The following ZFYVE26 variants were observed in gnomAD, a reference collection of about 807,000 sequenced individuals.
ZFYVE26 encodes the protein zinc finger FYVE domain-containing protein 26.
Under a neutral mutation model 276.5 loss-of-function variants are expected in ZFYVE26, and 181 were observed. That is an observed-to-expected ratio of 0.65 (90% CI 0.58 to 0.74). ZFYVE26 has a LOEUF of 0.74. Ranked by LOEUF, ZFYVE26 falls within the 30% of genes least tolerant of loss-of-function variation. The probability of loss-of-function intolerance (pLI) is 0.00; values close to 1 mark genes in which losing one functional copy is unlikely to be tolerated. For missense variants in ZFYVE26, 2,821 were observed against 3,097.9 expected, an observed-to-expected ratio of 0.91 and a Z score of 2.12; for synonymous variants, 1,129 against 1,203.1, an observed-to-expected ratio of 0.94 and a Z score of 1.27.
Position 67,793,255 on chromosome 14 carries a change from T to TCAAACAAA in ZFYVE26, c.2553+345_2553+352dup, listed in dbSNP as rs112741778. ...CTGGGCAACAGAGCAAGACTCTGTC[T>TCAAACAAA]CAAACAAACAAACAAACAAACAAGC... On this transcript the variant is annotated intron_variant, in intron 14 of 41. Transcript: ENST00000347230. 2.4e-4 allele frequency among the ~76,000 whole-genome samples: 37 copies of TCAAACAAA among 151,278 alleles called. 1 individual carries two copies. Among genetic ancestry groups the TCAAACAAA allele is most frequent in the South Asian group, 1.0e-3 (5 of 4,804 alleles).
At chr14:67,768,589 G>A in intron 29 of ZFYVE26, 41 bp from the exon 30 acceptor site, 1 of 1,605,128 alleles carries the variant, frequency 6.2e-7, no homozygotes. Context: ...AAATGCCTGA[G>A]TCACTTCTTT....
chr14:67,764,131 C>G (rs1286889387), intron 32 of ZFYVE26, among the ~76,000 whole-genome samples: 4 of 152,094 alleles, frequency 2.6e-5, no homozygotes. Context: ...GATAGAAAGC[C>G]CAGAGGGCTG....
intron 3 of ZFYVE26, 119 bp from the exon 4 acceptor site, chr14:67,809,408 CTT>C (rs10580613): frequency 0.05 from 10,400 of 207,288 alleles, 35 homozygotes; most frequent in African/African-American, 0.066. Flanking sequence ...ATGAAGCACT[CTT>C]TTTTTTTTTT....
intron 14 of ZFYVE26, 109 bp from the exon 15 acceptor site, chr14:67,790,882 G>T: frequency 1.0e-6 from 1 of 1,002,594 alleles, no homozygotes; most frequent in Non-Finnish European, 1.6e-6. Context: ...AGATGTCTTT[G>T]TGCTTTGTAG....
At chr14:67,810,224 T>C (rs2040272250) in intron 3 of ZFYVE26, among the ~76,000 whole-genome samples, 2 of 152,232 alleles carry the variant, frequency 1.3e-5, no homozygotes, top group African/African-American at 4.8e-5. Context: ...CTTGAGGTCT[T>C]TCCCCAAGAA....
At position 67,751,367 on chromosome 14, in the gene ZFYVE26, G is replaced by A. The variant is rs530785104; in HGVS notation, c.7372-271C>T. On this transcript the variant is annotated intron_variant, in intron 40 of 41. Transcript: ENST00000347230. ...TTCACCCCTCCTTAGGCAACCTGGTGGTCCCCTGCTCCTGGGAGGTCACCA... is the reference window on the plus strand; with the variant it reads ...TTCACCCCTCCTTAGGCAACCTGGTAGTCCCCTGCTCCTGGGAGGTCACCA... 60 of 533,988 alleles carry A rather than the reference G, an allele frequency of 1.1e-4. 1 individual carries two copies. The highest frequency in any genetic ancestry group is 8.0e-4 in the South Asian group (40 of 50,028). The allele number at this position is 533,988 out of a possible 1,614,324, so 33.1% of individuals were successfully genotyped here. A position where few individuals can be genotyped will look rare whatever the true frequency, so the allele number is the denominator to read the frequency against.
chr14:67,729,312 G>A lies in ZFYVE26; in HGVS notation n.3187C>T, dbSNP rs140821098. The stretch of plus-strand genomic sequence containing the variant: ...CCCCCTTTGTCAAGACGGCACGGGA[G>A]GGGGCGCAGACCAGCCTGCACTGCG... On this transcript the variant is annotated non_coding_transcript_exon_variant, in exon 14 of 15. Transcript: ENST00000394455. The A allele has an allele frequency of 9.4e-6, 15 of 1,600,908 alleles. No homozygotes were observed. The highest frequency in any genetic ancestry group is 1.7e-5 in the Admixed American group (1 of 60,000).
chr14:67,775,524 C>T (rs2039319298), intron 26 of ZFYVE26, among the ~76,000 whole-genome samples: 1 of 152,114 alleles, frequency 6.6e-6, no homozygotes, highest in Admixed American at 6.6e-5. Context: ...CCGATGTGAT[C>T]CTGGGAATAA....
intron 7 of ZFYVE26, 25 bp downstream of exon 7, chr14:67,805,429 G>C (rs1199858238): frequency 6.2e-7 from 1 of 1,614,134 alleles, no homozygotes; most frequent in Non-Finnish European, 8.5e-7. Flanking sequence ...TTCCAGAGCA[G>C]CCTGGGATGC....
At position 67,789,364 on chromosome 14, in the gene ZFYVE26, C is replaced by T. The variant is rs144523611; in HGVS notation, c.2990G>A (p.Arg997Gln). Reference protein sequence around the residue: ...TCKQLLETAERRLNSSLERRG... With the variant: ...TCKQLLETAEQRLNSSLERRG... ...CCTTTCAAGGCTACTATTCAAACGC[C>T]GTTCGGCTGTCTCCAAAAGCTGCTT... The change falls in exon 16 of 42, where the codon CGG becomes CAG. Residue 997 changes from arginine (R) to glutamine (Q), a missense_variant. By Grantham distance (43) the Arg-to-Gln change is conservative. Transcript: ENST00000347230. The T allele has an allele frequency of 5.0e-5, 80 of 1,614,096 alleles. 1 individual carries two copies. The African/African-American group carries it at 5.9e-4, about 12-fold the overall frequency.
In ZFYVE26 at chr14:67,806,602, C is replaced by T. The variant is rs1177577061; in HGVS notation, c.960G>A (p.Trp320Ter). 6.2e-7 allele frequency: 1 copy of T among 1,614,210 alleles called. No homozygotes were observed. Among genetic ancestry groups the T allele is most frequent in the Non-Finnish European group, 8.5e-7 (1 of 1,180,030 alleles). The change falls in exon 6 of 42, where the codon TGG becomes TGA. Residue 320 changes from tryptophan (W) to a stop codon, truncating the protein, a stop_gained. Transcript: ENST00000347230. LOFTEE classifies it high-confidence loss of function. ...LFSNPNPAEA[W>*]KVAYFYCLSN... Reference sequence around the variant, plus strand: ...TCAGGCAGTAGAAATAGGCCACTTTCCAAGCCTCGGCTGGGTTGGGATTGG... The same window carrying T: ...TCAGGCAGTAGAAATAGGCCACTTTTCAAGCCTCGGCTGGGTTGGGATTGG...
downstream of ZFYVE26, among the ~76,000 whole-genome samples, chr14:67,744,985 C>T (rs1317985986): frequency 2.6e-5 from 4 of 152,170 alleles, no homozygotes; most frequent in Admixed American, 6.5e-5. Flanking sequence ...TAAGGAATCG[C>T]CACACTGTCT....
In ZFYVE26 at chr14:67,747,698, T is replaced by G. The variant is rs927930875; in HGVS notation, c.*738A>C. 1.4e-5 allele frequency: 2 copies of G among 146,308 alleles called. No homozygotes were observed. The highest frequency in any genetic ancestry group is 3.0e-5 in the Non-Finnish European group (2 of 66,292). 9.1% of individuals were successfully genotyped at this position (146,308 alleles called of 1,614,324 possible). A position where few individuals can be genotyped will look rare whatever the true frequency, so the allele number is the denominator to read the frequency against. ...TATCCCTGTTTGGATGGTTAGCCTTTCTTTCCCTCTTGCCCGTGTTAGCCT... is the reference window on the plus strand; with the variant it reads ...TATCCCTGTTTGGATGGTTAGCCTTGCTTTCCCTCTTGCCCGTGTTAGCCT... On this transcript the variant is annotated 3_prime_UTR_variant, in exon 42 of 42. Coordinates refer to ENST00000347230, the MANE Select transcript of ZFYVE26 (RefSeq NM_015346.4).
intron 35 of ZFYVE26, among the ~76,000 whole-genome samples, chr14:67,760,449 C>T (rs1479389544): frequency 6.6e-6 from 1 of 152,156 alleles, no homozygotes; most frequent in Non-Finnish European, 1.5e-5. Flanking sequence ...TTTGCATTGG[C>T]TGCTGTTTTG....
downstream of ZFYVE26, among the ~76,000 whole-genome samples, chr14:67,742,817 C>CCTTT (rs1281382551): frequency 1.9e-4 from 24 of 128,444 alleles, no homozygotes; most frequent in African/African-American, 9.0e-4. Flanking sequence ...TTCCTTCCTT[C>CCTTT]CTTTCTTCTT....
chr14:67,784,476 A>G (rs1411095733), intron 19 of ZFYVE26, 40 bp from the exon 20 acceptor site: 1 of 1,570,244 alleles, frequency 6.4e-7, no homozygotes, highest in African/African-American at 1.4e-5. Context: ...TGCACCACTG[A>G]CTGCAAGAGT....
intron 35 of ZFYVE26, among the ~76,000 whole-genome samples, chr14:67,756,645 G>A (rs2038786881): frequency 6.6e-6 from 1 of 152,122 alleles, no homozygotes. Flanking sequence ...TTCTGTCTAT[G>A]TCTTTGGCTG....
intron 13 of ZFYVE26, among the ~76,000 whole-genome samples, chr14:67,738,066 G>A (rs2038372120): frequency 6.6e-6 from 1 of 151,894 alleles, no homozygotes; most frequent in East Asian, 1.9e-4. Context: ...CCATCACATT[G>A]TCAAAAATTT....
chr14:67,751,175 C>T, intron 40 of ZFYVE26, 79 bp from the exon 41 acceptor site: 1 of 1,527,414 alleles, frequency 6.5e-7, no homozygotes, highest in Non-Finnish European at 9.1e-7. Context: ...CAGCCTCAGC[C>T]CAGCCATTCT....
Sources: allele counts gnomAD v4.1 joint callset (sites outside exome capture counted in the v4.1 genomes callset), GRCh38; gene constraint gnomAD v4.1.1; transcripts MANE v1.5; gene names NCBI Gene and HGNC (gene_info 2026-07-23, HGNC 2026-07-21).